Variants in EDA observed in about 807,000 individuals in gnomAD.
EDA encodes the protein ectodysplasin-A.
A neutral mutation model predicts 23.6 loss-of-function variants in EDA; 2 were observed. The ratio of observed to expected loss-of-function variants is 0.08; its 90% CI spans 0.03 to 0.27. The LOEUF is 0.27. EDA is among the 10% of genes least tolerant of loss of function. The pLI is 1.00. For synonymous variants in EDA, 131 were observed against 132.0 expected, an observed-to-expected ratio of 0.99 and a Z score of 0.05; for missense variants, 229 against 324.2, an observed-to-expected ratio of 0.71 and a Z score of 2.26.
At chrX:69,941,859 CT>C (rs2018762987) in intron 1 of EDA, among the ~76,000 whole-genome samples, 1 of 111,079 alleles carries the variant, frequency 9.0e-6, no homozygotes. Context: ...TCCTTCTTTC[CT>C]TTCTTCCTGT....
intron 1 of EDA, among the ~76,000 whole-genome samples, chrX:69,921,731 A>G (rs190940330): frequency 1.8e-5 from 2 of 111,254 alleles, no homozygotes; most frequent in Admixed American, 1.9e-4. Context: ...TGTTTCATAC[A>G]TATAATTAGA....
chrX:69,699,771 C>T (rs2011480796), intron 1 of EDA, among the ~76,000 whole-genome samples: 1 of 110,134 alleles, frequency 9.1e-6, no homozygotes, highest in Admixed American at 9.7e-5. Context: ...GGGCTGAGAG[C>T]CTTACGGAGT....
intron 1 of EDA, among the ~76,000 whole-genome samples, chrX:69,839,902 G>A (rs1040568566): frequency 5.3e-5 from 6 of 112,435 alleles, no homozygotes; most frequent in African/African-American, 1.9e-4. Flanking sequence ...CTCTGCTGCA[G>A]TATATTAACA....
In EDA at chrX:70,038,500, G is replaced by C. The variant is rs1235990235; in HGVS notation, c.*2891G>C. The C allele has an allele frequency of 9.0e-6, 1 of 110,925 alleles. No homozygotes were observed. The highest frequency in any genetic ancestry group is 3.3e-5 in the African/African-American group (1 of 30,400). The allele number at this position is 110,925 out of a possible 1,213,427, so 9.1% of individuals were successfully genotyped here. On this transcript the variant is annotated 3_prime_UTR_variant, in exon 8 of 8. Transcript: ENST00000374552. ...GACATTTGTGGGCAAGCAGATGACA[G>C]AGGTTTGAAGGAGAATGGCATGGCA...
In EDA at chrX:70,036,314, A is replaced by G. The variant is rs2020266747; in HGVS notation, c.*705A>G. Reference sequence around the variant, plus strand: ...ATGGCCACAAACCTGCCCGCCTAAGACCCTGAATCCGTACTTGGGTCACAT... The same window carrying G: ...ATGGCCACAAACCTGCCCGCCTAAGGCCCTGAATCCGTACTTGGGTCACAT... On this transcript the variant is annotated 3_prime_UTR_variant, in exon 8 of 8. Coordinates refer to ENST00000374552, the MANE Select transcript of EDA (RefSeq NM_001399.5). 1 of 111,829 alleles carries G rather than the reference A, an allele frequency of 8.9e-6. No individual in the cohort carries two copies. The allele number at this position is 111,829 out of a possible 1,213,427, so 9.2% of individuals were successfully genotyped here. A position where few individuals can be genotyped will look rare whatever the true frequency, so the allele number is the denominator to read the frequency against.
intron 2 of EDA, among the ~76,000 whole-genome samples, chrX:69,977,423 A>AG (rs2019333450): frequency 8.9e-6 from 1 of 111,939 alleles, no homozygotes; most frequent in Non-Finnish European, 1.9e-5. Context: ...TTGAGGTGAG[A>AG]GACCATGTCT....
At chrX:69,633,027 GA>G (rs1381590924) in intron 1 of EDA, among the ~76,000 whole-genome samples, 1 of 111,225 alleles carries the variant, frequency 9.0e-6, no homozygotes, top group Non-Finnish European at 1.9e-5. Context: ...TTAAGCTTCT[GA>G]AAAGAGTGGA....
chrX:69,736,236 C>T (rs908838920), intron 1 of EDA, among the ~76,000 whole-genome samples: 12 of 110,449 alleles, frequency 1.1e-4, no homozygotes, highest in African/African-American at 3.9e-4. Flanking sequence ...ACCTGGGAGG[C>T]GGAGGTTGCA....
chrX:69,643,640 T>A (rs1932867900), intron 1 of EDA, among the ~76,000 whole-genome samples: 1 of 112,070 alleles, frequency 8.9e-6, no homozygotes, highest in African/African-American at 3.2e-5. Context: ...TTTTTGCTTT[T>A]GTTGCAATTG....
chrX:69,676,345 G>A (rs1934079422), intron 1 of EDA, among the ~76,000 whole-genome samples: 1 of 111,491 alleles, frequency 9.0e-6, no homozygotes, highest in Non-Finnish European at 1.9e-5. Flanking sequence ...TGATGGCTTG[G>A]ACCAGAGTAG....
At chrX:69,703,911 T>G (rs1002760475) in intron 1 of EDA, among the ~76,000 whole-genome samples, 3 of 112,384 alleles carry the variant, frequency 2.7e-5, no homozygotes, top group African/African-American at 9.7e-5. Flanking sequence ...TTGTTGTTAA[T>G]CTCTTACTGT....
intron 1 of EDA, among the ~76,000 whole-genome samples, chrX:69,778,529 G>A (rs745921895): frequency 1.1e-3 from 119 of 111,739 alleles, no homozygotes; most frequent in African/African-American, 3.8e-3. Flanking sequence ...TTCCTTTCTT[G>A]AAGCGTTTGC....
intron 1 of EDA, among the ~76,000 whole-genome samples, chrX:69,704,250 A>G (rs1254170257): frequency 8.9e-6 from 1 of 111,838 alleles, no homozygotes; most frequent in East Asian, 2.8e-4. Flanking sequence ...GGCAGATTCA[A>G]AGATTTTCTG....
At chrX:69,861,435 A>T (rs1475444689) in intron 1 of EDA, among the ~76,000 whole-genome samples, 1 of 111,545 alleles carries the variant, frequency 9.0e-6, no homozygotes, top group Non-Finnish European at 1.9e-5. Context: ...CTTTCAAAGT[A>T]ATAGGAGTGA....
At chrX:69,759,657 T>G (rs779258125) in intron 1 of EDA, among the ~76,000 whole-genome samples, 2 of 111,231 alleles carry the variant, frequency 1.8e-5, no homozygotes, top group Non-Finnish European at 3.8e-5. Context: ...GCTGGTGCGG[T>G]ACAATATGGA....
chrX:69,749,036 C>T (rs2013717263), intron 1 of EDA, among the ~76,000 whole-genome samples: 1 of 97,292 alleles, frequency 1.0e-5, no homozygotes, highest in Non-Finnish European at 2.1e-5. Context: ...GCGCTGCACC[C>T]ACTAACTCGT....
intron 1 of EDA, among the ~76,000 whole-genome samples, chrX:69,836,690 A>T (rs1236853518): frequency 8.9e-6 from 1 of 112,366 alleles, no homozygotes; most frequent in African/African-American, 3.2e-5. Context: ...TGCACTTCCC[A>T]GTTGAGGCGA....
intron 1 of EDA, among the ~76,000 whole-genome samples, chrX:69,764,345 C>T (rs757681647): frequency 2.0e-5 from 2 of 98,976 alleles, no homozygotes; most frequent in Admixed American, 1.2e-4. Flanking sequence ...TGGGTTCAGG[C>T]GATTCTCGTG....
chrX:69,906,556 G>C (rs191930836), intron 1 of EDA, among the ~76,000 whole-genome samples: 17 of 112,246 alleles, frequency 1.5e-4, no homozygotes, highest in African/African-American at 5.5e-4. Flanking sequence ...ATTCGAATTG[G>C]ATTTTGTGAA....
Sources: allele counts gnomAD v4.1 joint callset (sites outside exome capture counted in the v4.1 genomes callset), GRCh38; gene constraint gnomAD v4.1.1; transcripts MANE v1.5; gene names NCBI Gene and HGNC (gene_info 2026-07-23, HGNC 2026-07-21).